NAALADL2: variants seen among roughly 807,000 people sequenced by gnomAD.
NAALADL2 encodes the protein N-acetylated alpha-linked acidic dipeptidase like 2.
Under a neutral mutation model 87.2 loss-of-function variants are expected in NAALADL2, and 76 were observed. The observed-to-expected ratio is 0.87, with a 90% CI of 0.72 to 1.05. The LOEUF is 1.05. NAALADL2 is among the 50% of genes least tolerant of loss of function. The pLI, the probability that NAALADL2 is intolerant of heterozygous loss-of-function variation, is 0.00. For synonymous variants in NAALADL2, 354 were observed against 331.0 expected, an observed-to-expected ratio of 1.07 and a Z score of -0.75; for missense variants, 1,089 against 945.8, an observed-to-expected ratio of 1.15 and a Z score of -1.99.
intron 3 of NAALADL2, among the ~76,000 whole-genome samples, chr3:174,826,531 A>C (rs185090306): frequency 6.6e-6 from 1 of 152,352 alleles, no homozygotes; most frequent in Admixed American, 6.5e-5. Context: ...AGTAATCAGT[A>C]AACATTTCCT....
At chr3:175,285,938 C>T (rs1173097509) in intron 4 of NAALADL2, among the ~76,000 whole-genome samples, 1 of 152,022 alleles carries the variant, frequency 6.6e-6, no homozygotes, top group Admixed American at 6.6e-5. Flanking sequence ...CCAGAATATA[C>T]TATGTCAAAG....
chr3:175,658,815 G>T (rs372611805), intron 11 of NAALADL2, among the ~76,000 whole-genome samples: 6 of 152,170 alleles, frequency 3.9e-5, no homozygotes, highest in African/African-American at 7.2e-5. Flanking sequence ...CCTTCATTTA[G>T]TTTCAAAATT....
At chr3:174,672,734 A>G (rs112340645) in intron 2 of NAALADL2, among the ~76,000 whole-genome samples, 1 of 152,158 alleles carries the variant, frequency 6.6e-6, no homozygotes, top group African/African-American at 2.4e-5. Flanking sequence ...ATTAAAGAGA[A>G]GAGTATTCCA....
At chr3:174,867,132 A>T (rs1727246610) in intron 1 of NAALADL2, among the ~76,000 whole-genome samples, 1 of 145,974 alleles carries the variant, frequency 6.9e-6, no homozygotes, top group Non-Finnish European at 1.5e-5. Flanking sequence ...TTAGATAATA[A>T]ATAGTTTATC....
At chr3:174,832,668 G>A (rs572125589) in intron 3 of NAALADL2, among the ~76,000 whole-genome samples, 5 of 152,154 alleles carry the variant, frequency 3.3e-5, no homozygotes, top group Admixed American at 1.3e-4. Flanking sequence ...GGGTTTCACC[G>A]TGTTAGCCAA....
At chr3:175,183,245 T>C (rs1736853603) in intron 2 of NAALADL2, among the ~76,000 whole-genome samples, 1 of 73,132 alleles carries the variant, frequency 1.4e-5, no homozygotes, top group African/African-American at 3.8e-5. Context: ...GATTTATTCC[T>C]AAGTATTTTT....
At chr3:175,478,092 C>T (rs1363006915) in intron 9 of NAALADL2, among the ~76,000 whole-genome samples, 1 of 151,972 alleles carries the variant, frequency 6.6e-6, no homozygotes, top group Non-Finnish European at 1.5e-5. Context: ...TCTTTCATGA[C>T]ACATGACATA....
At chr3:175,526,392 C>A (rs1219314252) in intron 9 of NAALADL2, among the ~76,000 whole-genome samples, 1 of 152,122 alleles carries the variant, frequency 6.6e-6, no homozygotes, top group African/African-American at 2.4e-5. Context: ...TATCCTTGCT[C>A]TTTAAGCATT....
At chr3:175,470,932 G>A (rs1724768490) in intron 8 of NAALADL2, among the ~76,000 whole-genome samples, 1 of 152,076 alleles carries the variant, frequency 6.6e-6, no homozygotes, top group African/African-American at 2.4e-5. Flanking sequence ...CAAAAGTAAA[G>A]GGCTGGTTTT....
At chr3:174,983,791 C>A (rs1018909743) in intron 1 of NAALADL2, among the ~76,000 whole-genome samples, 1 of 152,138 alleles carries the variant, frequency 6.6e-6, no homozygotes, top group Non-Finnish European at 1.5e-5. Flanking sequence ...TAGACCATAG[C>A]AATTGACTTG....
intron 9 of NAALADL2, among the ~76,000 whole-genome samples, chr3:175,495,502 GT>G (rs1487225656): frequency 6.6e-6 from 1 of 151,958 alleles, no homozygotes; most frequent in Non-Finnish European, 1.5e-5. Flanking sequence ...AGTAATTGCG[GT>G]TTTTGCAATT....
chr3:174,876,579 A>G (rs761725559), intron 1 of NAALADL2, among the ~76,000 whole-genome samples: 1 of 152,224 alleles, frequency 6.6e-6, no homozygotes, highest in African/African-American at 2.4e-5. Flanking sequence ...ACAACTGTCA[A>G]TATTTAAAGT....
At chr3:175,034,880 A>G (rs530212011) in intron 1 of NAALADL2, among the ~76,000 whole-genome samples, 1 of 152,280 alleles carries the variant, frequency 6.6e-6, no homozygotes, top group African/African-American at 2.4e-5. Context: ...AATCATATGA[A>G]TTATTATTAC....
chr3:174,805,877 T>C (rs1463325770), intron 3 of NAALADL2, among the ~76,000 whole-genome samples: 1 of 148,786 alleles, frequency 6.7e-6, no homozygotes, highest in East Asian at 1.9e-4. Context: ...GCATAAATTA[T>C]CTACAAGGCT....
chr3:174,743,907 T>C lies in NAALADL2; in HGVS notation c.-9+6161T>C, dbSNP rs956514969. ...AAAGCTTTCATTATGTAATTCTCAA[T>C]ATCACAGGTAGACAAATCACTCCCC... On this transcript the variant is annotated intron_variant, in intron 3 of 3. Coordinates refer to the NAALADL2 transcript ENST00000434257. 3.3e-5 allele frequency among the ~76,000 whole-genome samples: 5 copies of C among 151,914 alleles called. 1 individual carries two copies. The South Asian group carries it at 1.0e-3, about 31-fold the overall frequency.
intron 11 of NAALADL2, among the ~76,000 whole-genome samples, chr3:175,680,905 G>A (rs1247450860): frequency 6.6e-6 from 1 of 152,128 alleles, no homozygotes; most frequent in Non-Finnish European, 1.5e-5. Flanking sequence ...AAGAGGTGCG[G>A]AGATCGGCAC....
At chr3:174,456,919 CAG>C (rs1715877212) in intron 1 of NAALADL2, among the ~76,000 whole-genome samples, 1 of 152,040 alleles carries the variant, frequency 6.6e-6, no homozygotes, top group Non-Finnish European at 1.5e-5. Flanking sequence ...ACAGAGTAAA[CAG>C]AAAACCTATA....
At chr3:174,656,121 G>C (rs1724893039) in intron 2 of NAALADL2, among the ~76,000 whole-genome samples, 1 of 152,188 alleles carries the variant, frequency 6.6e-6, no homozygotes, top group Non-Finnish European at 1.5e-5. Flanking sequence ...AAGAGTAACT[G>C]AGCAAACATT....
chr3:175,096,741 T>C, intron 1 of NAALADL2, 49 bp from the exon 2 acceptor site: 3 of 1,261,192 alleles, frequency 2.4e-6, no homozygotes, highest in Non-Finnish European at 3.2e-6. Context: ...TGTTAGTTTT[T>C]TTAATTGTGT....
Sources: gnomAD v4.1 joint callset for allele counts (sites outside exome capture counted in the v4.1 genomes callset) on GRCh38, gnomAD v4.1.1 for gene constraint, MANE v1.5 for transcripts, NCBI Gene and HGNC (gene_info 2026-07-23, HGNC 2026-07-21) for gene names.